The following NPAS3 variants were observed in gnomAD, a reference collection of about 807,000 sequenced individuals.
NPAS3 encodes neuronal PAS domain protein 3.
Under a neutral mutation model 73.1 loss-of-function variants are expected in NPAS3, and 14 were observed. That is an observed-to-expected ratio of 0.19 (90% CI 0.13 to 0.30). The LOEUF is 0.30. Ranked by LOEUF, NPAS3 falls within the 10% of genes least tolerant of loss-of-function variation. NPAS3 has a pLI of 1.00. For synonymous variants in NPAS3, 620 were observed against 541.5 expected (o/e 1.14, Z -2.01); for missense variants, 1,096 against 1,250.0 (o/e 0.88, Z 1.86).
intron 1 of NPAS3, among the ~76,000 whole-genome samples, chr14:32,989,646 C>T: frequency 6.7e-6 from 1 of 148,996 alleles, no homozygotes; most frequent in East Asian, 2.0e-4. Flanking sequence ...CGGTCTCAAA[C>T]AACAACAACA....
intron 3 of NPAS3, among the ~76,000 whole-genome samples, chr14:33,279,334 G>T (rs2041484998): frequency 6.6e-6 from 1 of 152,056 alleles, no homozygotes; most frequent in Non-Finnish European, 1.5e-5. Flanking sequence ...CAGGCACAAT[G>T]CTAATCATTT....
intron 3 of NPAS3, among the ~76,000 whole-genome samples, chr14:33,270,973 G>A (rs1566743992): frequency 6.6e-6 from 1 of 152,172 alleles, no homozygotes; most frequent in Non-Finnish European, 1.5e-5. Context: ...GTGACAAAAG[G>A]AAGATTAATA....
intron 3 of NPAS3, among the ~76,000 whole-genome samples, chr14:33,313,738 G>A (rs1478684890): frequency 2.6e-5 from 4 of 151,928 alleles, no homozygotes; most frequent in Non-Finnish European, 5.9e-5. Flanking sequence ...TCAAACTTTG[G>A]GGATTGTTAC....
intron 4 of NPAS3, among the ~76,000 whole-genome samples, chr14:33,476,580 A>G (rs923399168): frequency 2.5e-4 from 38 of 152,202 alleles, no homozygotes; most frequent in African/African-American, 9.2e-4. Context: ...GTATTCCCCA[A>G]TTTAAACATT....
At chr14:33,273,951 C>G (rs1401005254) in intron 3 of NPAS3, among the ~76,000 whole-genome samples, 1 of 152,120 alleles carries the variant, frequency 6.6e-6, no homozygotes, top group Non-Finnish European at 1.5e-5. Context: ...TAACTCTTTC[C>G]CTGTAGTTTT....
At chr14:33,444,189 G>A (rs11156790) in intron 4 of NPAS3, among the ~76,000 whole-genome samples, 54,627 of 152,034 alleles carry the variant, frequency 0.36, 11,391 homozygotes, top group African/African-American at 0.56. Context: ...AACTCAGGGC[G>A]TGGGACTGAG....
At chr14:33,051,713 C>T (rs8022434) in intron 1 of NPAS3, among the ~76,000 whole-genome samples, 27,812 of 152,054 alleles carry the variant, frequency 0.18, 3,416 homozygotes, top group African/African-American at 0.34. Context: ...AAAAGTTATA[C>T]GTGAAATGGT....
intron 2 of NPAS3, among the ~76,000 whole-genome samples, chr14:33,141,868 T>C (rs1284592005): frequency 3.9e-5 from 6 of 152,214 alleles, no homozygotes; most frequent in Non-Finnish European, 8.8e-5. Flanking sequence ...CCAGCAAGTA[T>C]GCCATCGCAT....
At chr14:33,443,850 T>A (rs1181553396) in intron 4 of NPAS3, among the ~76,000 whole-genome samples, 3 of 152,092 alleles carry the variant, frequency 2.0e-5, no homozygotes, top group Admixed American at 2.0e-4. Context: ...GCCATTCGGG[T>A]AGGGTATAAT....
In NPAS3 at chr14:33,734,556, G is replaced by A. The variant is rs564256461; in HGVS notation, c.734-658G>A. Among the ~76,000 whole-genome samples, 6 of 152,298 alleles carry A rather than the reference G, an allele frequency of 3.9e-5. No homozygotes were observed. In the South Asian group the frequency reaches 1.2e-3, roughly 32 times the overall value. Reference sequence around the variant, plus strand: ...AAAAACAGACTGTTTCCTGTTTGGAGGGTTGGGGTTGAAAGCTGCTGTAAA... The same window carrying A: ...AAAAACAGACTGTTTCCTGTTTGGAAGGTTGGGGTTGAAAGCTGCTGTAAA... On this transcript the variant is annotated intron_variant, in intron 6 of 11. Transcript: ENST00000356141.
At chr14:33,250,846 C>A (rs1167644231) in intron 3 of NPAS3, among the ~76,000 whole-genome samples, 1 of 152,046 alleles carries the variant, frequency 6.6e-6, no homozygotes, top group African/African-American at 2.4e-5. Flanking sequence ...CATGTGCATA[C>A]TTGGTTGCAT....
rs144358460 is a variant in NPAS3 at position 33,156,709 on chromosome 14, T to C, written c.141-58473T>C. On this transcript the variant is annotated intron_variant, in intron 2 of 11. Transcript: ENST00000356141. ...ATGGATTATATTTTTAAAAATTGTA[T>C]TGTGCTTTCCATTACAAATATAAAC... Among the ~76,000 whole-genome samples the C allele has an allele frequency of 5.9e-5, 9 of 152,324 alleles. No individual in the cohort carries two copies. The East Asian group carries it at 1.7e-3, about 29-fold the overall frequency.
chr14:33,542,894 T>A (rs2054587097), intron 4 of NPAS3, among the ~76,000 whole-genome samples: 1 of 152,138 alleles, frequency 6.6e-6, no homozygotes, highest in Admixed American at 6.5e-5. Flanking sequence ...TTGAAGTCAC[T>A]CACAGGCCTC....
At chr14:33,095,724 A>G (rs2042393614) in intron 2 of NPAS3, among the ~76,000 whole-genome samples, 1 of 132,038 alleles carries the variant, frequency 7.6e-6, no homozygotes, top group Non-Finnish European at 1.5e-5. Flanking sequence ...GCTGGAGTGC[A>G]GTGGCGCGAT....
At chr14:33,701,931 C>A (rs1466246897) in intron 6 of NPAS3, among the ~76,000 whole-genome samples, 1 of 152,132 alleles carries the variant, frequency 6.6e-6, no homozygotes, top group Non-Finnish European at 1.5e-5. Flanking sequence ...AGGGATCTTA[C>A]AATCTAGCAA....
chr14:33,539,523 G>A (rs28441659), intron 4 of NPAS3, among the ~76,000 whole-genome samples: 13,549 of 151,950 alleles, frequency 0.089, 1,819 homozygotes, highest in African/African-American at 0.29. Context: ...GGGTGCCTTG[G>A]GATCCACTGA....
intron 5 of NPAS3, among the ~76,000 whole-genome samples, chr14:33,563,564 AG>A (rs1356362457): frequency 4.0e-5 from 6 of 149,804 alleles, no homozygotes; most frequent in Admixed American, 1.3e-4. Flanking sequence ...AGAGAGAGAG[AG>A]GAGAGATGTA....
intron 5 of NPAS3, among the ~76,000 whole-genome samples, chr14:33,603,002 C>G (rs1435176746): frequency 6.6e-6 from 1 of 152,246 alleles, no homozygotes; most frequent in South Asian, 2.1e-4. Context: ...TCATACGTAC[C>G]AGATGTGGAA....
At position 33,664,897 on chromosome 14, in the gene NPAS3, A is replaced by G. The variant is rs555976392; in HGVS notation, c.559-11314A>G. 2.4e-4 allele frequency among the ~76,000 whole-genome samples: 37 copies of G among 152,354 alleles called. No homozygotes were observed. In the East Asian group the frequency reaches 6.9e-3, roughly 29 times the overall value. On this transcript the variant is annotated intron_variant, in intron 5 of 11. Transcript: ENST00000356141. ...AGGATGTGGAGATAGGAACGCTTTT[A>G]CACCGTTGGTGGGAGTGTAAACTCG...
Sources: gnomAD v4.1 joint callset for allele counts (sites outside exome capture counted in the v4.1 genomes callset) on GRCh38, gnomAD v4.1.1 for gene constraint, MANE v1.5 for transcripts, NCBI Gene and HGNC (gene_info 2026-07-23, HGNC 2026-07-21) for gene names.